CLSTN2: variants seen among roughly 807,000 people sequenced by gnomAD.
The protein encoded by CLSTN2 is calsyntenin-2.
CLSTN2 carries 48 observed loss-of-function variants against 101.2 expected under a neutral mutation model. The observed-to-expected ratio is 0.47, with a 90% CI of 0.38 to 0.60. The LOEUF is 0.60. Ranked by LOEUF, CLSTN2 falls within the 20% of genes least tolerant of loss-of-function variation. The probability of loss-of-function intolerance (pLI) is 0.00; values close to 1 mark genes in which losing one functional copy is unlikely to be tolerated. For synonymous variants in CLSTN2, 481 were observed against 463.6 expected, an observed-to-expected ratio of 1.04 and a Z score of -0.48; for missense variants, 1,160 against 1,238.2, an observed-to-expected ratio of 0.94 and a Z score of 0.95.
intron 2 of CLSTN2, among the ~76,000 whole-genome samples, chr3:140,375,906 C>G (rs753975351): frequency 6.6e-6 from 1 of 152,052 alleles, no homozygotes; most frequent in South Asian, 2.1e-4. Flanking sequence ...ATCTTGGATG[C>G]CCAGAAACAG....
At chr3:140,318,708 G>A (rs1403887004) in intron 2 of CLSTN2, among the ~76,000 whole-genome samples, 3 of 152,192 alleles carry the variant, frequency 2.0e-5, no homozygotes, top group Non-Finnish European at 4.4e-5. Flanking sequence ...GGAAACCTGA[G>A]GGTCCTTATT....
At chr3:140,538,092 A>G (rs200475480) in intron 9 of CLSTN2, among the ~76,000 whole-genome samples, 2 of 101,088 alleles carry the variant, frequency 2.0e-5, no homozygotes, top group African/African-American at 1.7e-4. Context: ...CAAAGCTACC[A>G]CCCTGCTCCT....
intron 1 of CLSTN2, among the ~76,000 whole-genome samples, chr3:139,943,705 C>A (rs914241419): frequency 4.6e-5 from 7 of 152,188 alleles, no homozygotes; most frequent in African/African-American, 1.7e-4. Flanking sequence ...AACAGGCTAC[C>A]GGTTCCCATC....
In CLSTN2 at chr3:140,130,939, T is replaced by C. The variant is rs554818701; in HGVS notation, c.110-45012T>C. Among the ~76,000 whole-genome samples the C allele has an allele frequency of 1.2e-4, 19 of 152,288 alleles. No individual in the cohort carries two copies. In the East Asian group the frequency reaches 2.1e-3, roughly 17 times the overall value. ...CCTGTTCCTGAGCTCTTAATTTTGC[T>C]TCTCTTTGATTTCATTGGACTGAGT... On this transcript the variant is annotated intron_variant, in intron 1 of 16. Transcript: ENST00000458420.
intron 1 of CLSTN2, among the ~76,000 whole-genome samples, chr3:140,007,110 C>T (rs879367392): frequency 2.6e-5 from 4 of 152,004 alleles, no homozygotes; most frequent in African/African-American, 9.7e-5. Flanking sequence ...TCTGACCCAC[C>T]GAGAAGTTCC....
chr3:140,254,564 G>A (rs1172211101), intron 2 of CLSTN2, among the ~76,000 whole-genome samples: 1 of 152,150 alleles, frequency 6.6e-6, no homozygotes, highest in Non-Finnish European at 1.5e-5. Context: ...TGTCATCTCT[G>A]TTAATGAGGA....
At chr3:140,186,601 G>T (rs1004081540) in intron 2 of CLSTN2, among the ~76,000 whole-genome samples, 1 of 152,146 alleles carries the variant, frequency 6.6e-6, no homozygotes, top group African/African-American at 2.4e-5. Flanking sequence ...GGCATCAAAG[G>T]CCAGCTGTCC....
chr3:140,321,362 A>G (rs114939763), intron 2 of CLSTN2, among the ~76,000 whole-genome samples: 241 of 152,164 alleles, frequency 1.6e-3, no homozygotes, highest in African/African-American at 5.5e-3. Context: ...TCAATCTCCT[A>G]TGTGATTTCC....
At chr3:140,362,968 T>C (rs1460419953) in intron 2 of CLSTN2, among the ~76,000 whole-genome samples, 1 of 152,104 alleles carries the variant, frequency 6.6e-6, no homozygotes, top group Non-Finnish European at 1.5e-5. Context: ...GACCTAGAAA[T>C]TTCATTCCTG....
chr3:140,420,497 G>A (rs2088489564), intron 4 of CLSTN2, among the ~76,000 whole-genome samples: 1 of 152,046 alleles, frequency 6.6e-6, no homozygotes, highest in East Asian at 1.9e-4. Flanking sequence ...AAACCCACAG[G>A]AGCAAAAACA....
intron 1 of CLSTN2, among the ~76,000 whole-genome samples, chr3:139,947,186 A>G (rs918803821): frequency 6.6e-5 from 10 of 152,324 alleles, no homozygotes; most frequent in African/African-American, 2.2e-4. Context: ...CACTAATGAT[A>G]AAGCATGAAA....
At chr3:140,183,604 G>GC (rs2010441315) in intron 2 of CLSTN2, among the ~76,000 whole-genome samples, 1 of 152,172 alleles carries the variant, frequency 6.6e-6, no homozygotes, top group South Asian at 2.1e-4. Flanking sequence ...AGAAACAGGT[G>GC]CCCCTTCTTA....
chr3:140,189,881 T>TA (rs950159884), intron 2 of CLSTN2, among the ~76,000 whole-genome samples: 17 of 152,204 alleles, frequency 1.1e-4, no homozygotes, highest in African/African-American at 3.9e-4. Flanking sequence ...GAAGCTGCCA[T>TA]AAAAAAATAC....
intron 1 of CLSTN2, among the ~76,000 whole-genome samples, chr3:140,029,443 T>C (rs1227550969): frequency 6.6e-6 from 1 of 152,128 alleles, no homozygotes; most frequent in Non-Finnish European, 1.5e-5. Context: ...TGGGAGAAAA[T>C]AGAACAGCTG....
At chr3:139,941,887 C>T (rs937191977) in intron 1 of CLSTN2, among the ~76,000 whole-genome samples, 37 of 152,286 alleles carry the variant, frequency 2.4e-4, no homozygotes, top group African/African-American at 4.3e-4. Flanking sequence ...TCACATATGT[C>T]GGTTGGTTTG....
At chr3:140,345,938 C>T (rs2087542321) in intron 2 of CLSTN2, among the ~76,000 whole-genome samples, 1 of 152,158 alleles carries the variant, frequency 6.6e-6, no homozygotes, top group African/African-American at 2.4e-5. Flanking sequence ...TTTGCTGGTT[C>T]AATATGGTAC....
At chr3:140,083,324 G>A (rs1348304495) in intron 1 of CLSTN2, among the ~76,000 whole-genome samples, 1 of 152,148 alleles carries the variant, frequency 6.6e-6, no homozygotes, top group East Asian at 1.9e-4. Flanking sequence ...TAAATGACTG[G>A]TAACTTGATA....
intron 8 of CLSTN2, among the ~76,000 whole-genome samples, chr3:140,477,290 G>T (rs184013979): frequency 2.8e-4 from 42 of 152,258 alleles, no homozygotes; most frequent in Non-Finnish European, 4.9e-4. Flanking sequence ...TCATCACCTT[G>T]ACAATCAGTG....
At chr3:140,087,092 T>C (rs1161130883) in intron 1 of CLSTN2, among the ~76,000 whole-genome samples, 1 of 152,160 alleles carries the variant, frequency 6.6e-6, no homozygotes, top group Non-Finnish European at 1.5e-5. Flanking sequence ...TGGTGGAGGT[T>C]TTTTTAATGG....
Sources: gnomAD v4.1 joint callset for allele counts (sites outside exome capture counted in the v4.1 genomes callset) on GRCh38, gnomAD v4.1.1 for gene constraint, MANE v1.5 for transcripts, NCBI Gene and HGNC (gene_info 2026-07-23, HGNC 2026-07-21) for gene names.